RALYL: variants seen among roughly 807,000 people sequenced by gnomAD.
The protein encoded by RALYL is RALY RNA binding protein like, also known as RNA-binding Raly-like protein.
Under a neutral mutation model 35.1 loss-of-function variants are expected in RALYL, and 29 were observed. The observed-to-expected ratio is 0.83, with a 90% CI of 0.61 to 1.13. RALYL has a LOEUF of 1.13. RALYL is among the 50% of genes most tolerant of loss of function. RALYL has a pLI of 0.00. For synonymous variants in RALYL, 120 were observed against 127.6 expected, an observed-to-expected ratio of 0.94 and a Z score of 0.40; for missense variants, 359 against 360.4, an observed-to-expected ratio of 1.00 and a Z score of 0.03.
chr8:84,475,549 G>T (rs1008119873), intron 1 of RALYL, among the ~76,000 whole-genome samples: 1 of 152,110 alleles, frequency 6.6e-6, no homozygotes, highest in African/African-American at 2.4e-5. Context: ...TTAATCAAGG[G>T]CTAGAAAGAT....
chr8:84,785,904 T>G (rs2133786478), intron 3 of RALYL, among the ~76,000 whole-genome samples: 1 of 152,340 alleles, frequency 6.6e-6, no homozygotes, highest in South Asian at 2.1e-4. Context: ...GCCATGGTAG[T>G]TTGCTGCACC....
intron 1 of RALYL, among the ~76,000 whole-genome samples, chr8:84,280,419 T>C (rs916235339): frequency 6.6e-6 from 1 of 152,146 alleles, no homozygotes; most frequent in African/African-American, 2.4e-5. Flanking sequence ...TATATCCACC[T>C]ACTTTCCTAA....
At chr8:84,356,713 C>T (rs879662959) in intron 1 of RALYL, among the ~76,000 whole-genome samples, 8 of 150,366 alleles carry the variant, frequency 5.3e-5, no homozygotes, top group Admixed American at 5.3e-4. Flanking sequence ...CTCTATTAGA[C>T]ACCAACTCTT....
At chr8:84,690,664 A>G (rs923947033) in intron 2 of RALYL, among the ~76,000 whole-genome samples, 3 of 152,098 alleles carry the variant, frequency 2.0e-5, no homozygotes, top group Non-Finnish European at 4.4e-5. Context: ...AAATTTAAAA[A>G]CAAAAAAATT....
In RALYL at chr8:84,620,027, A is replaced by G. The variant is rs1398330234; in HGVS notation, c.256+90450A>G. Among the ~76,000 whole-genome samples the G allele has an allele frequency of 2.6e-5, 4 of 151,436 alleles. No homozygotes were observed. The East Asian group carries it at 7.8e-4, about 29-fold the overall frequency. ...CCTTTCTCTCTGGCTGCCCTTAACA[A>G]TTTTTCCTTCATTTCAACTTTGGTG... On this transcript the variant is annotated intron_variant, in intron 2 of 8. Coordinates refer to ENST00000521268, the MANE Select transcript of RALYL (RefSeq NM_173848.7).
chr8:84,269,694 A>G (rs1054035201), intron 1 of RALYL, among the ~76,000 whole-genome samples: 1 of 152,096 alleles, frequency 6.6e-6, no homozygotes, highest in African/African-American at 2.4e-5. Flanking sequence ...CTTAAGAAAG[A>G]TCATCAACTC....
intron 2 of RALYL, among the ~76,000 whole-genome samples, chr8:84,773,436 CT>C (rs1288080872): frequency 6.6e-6 from 1 of 152,144 alleles, no homozygotes; most frequent in Non-Finnish European, 1.5e-5. Context: ...TTAGATTTCC[CT>C]TTCTATCATC....
At chr8:84,435,326 A>G (rs1247383351) in intron 1 of RALYL, among the ~76,000 whole-genome samples, 1 of 152,166 alleles carries the variant, frequency 6.6e-6, no homozygotes, top group East Asian at 1.9e-4. Flanking sequence ...GTATAGACAT[A>G]ACATAACATT....
At chr8:84,506,176 C>A (rs1012149402) in intron 1 of RALYL, among the ~76,000 whole-genome samples, 1 of 151,994 alleles carries the variant, frequency 6.6e-6, no homozygotes, top group Admixed American at 6.6e-5. Context: ...GTTACAGCTA[C>A]CCAGGTTTTA....
intron 1 of RALYL, among the ~76,000 whole-genome samples, chr8:84,501,833 A>G (rs986359053): frequency 2.7e-5 from 4 of 150,088 alleles, no homozygotes; most frequent in Non-Finnish European, 5.9e-5. Context: ...ATATTAATAA[A>G]TAATATAGAT....
intron 2 of RALYL, among the ~76,000 whole-genome samples, chr8:84,690,226 T>G (rs1339599149): frequency 6.6e-6 from 1 of 152,138 alleles, no homozygotes; most frequent in East Asian, 1.9e-4. Flanking sequence ...TTGTCTTTTA[T>G]AACCACATGG....
At chr8:84,479,698 C>T (rs1216736844) in intron 1 of RALYL, among the ~76,000 whole-genome samples, 1 of 152,160 alleles carries the variant, frequency 6.6e-6, no homozygotes, top group South Asian at 2.1e-4. Flanking sequence ...TACTGGGCTA[C>T]TGCTTACATT....
chr8:84,286,852 G>C (rs1026775095), intron 1 of RALYL, among the ~76,000 whole-genome samples: 1 of 152,130 alleles, frequency 6.6e-6, no homozygotes, highest in South Asian at 2.1e-4. Flanking sequence ...GCCATTTAGA[G>C]CAAAGAATGG....
intron 1 of RALYL, among the ~76,000 whole-genome samples, chr8:84,270,122 G>A (rs768619476): frequency 3.9e-5 from 6 of 152,066 alleles, no homozygotes; most frequent in Non-Finnish European, 7.4e-5. Context: ...CACCAGCAAC[G>A]GATTAAGTCA....
At chr8:84,454,090 C>G (rs1947795) in intron 1 of RALYL, among the ~76,000 whole-genome samples, 4,991 of 152,020 alleles carry the variant, frequency 0.033, 118 homozygotes, top group Non-Finnish European at 0.053. Context: ...TCAAGTCAGT[C>G]TGGACACTTC....
At chr8:84,637,733 C>T (rs1825376506) in intron 2 of RALYL, among the ~76,000 whole-genome samples, 2 of 151,846 alleles carry the variant, frequency 1.3e-5, no homozygotes, top group African/African-American at 2.4e-5. Context: ...ATTATCTCAA[C>T]AATAGCTGGG....
chr8:84,353,701 AC>A (rs1851327778), intron 1 of RALYL, among the ~76,000 whole-genome samples: 1 of 150,434 alleles, frequency 6.6e-6, no homozygotes, highest in Non-Finnish European at 1.5e-5. Context: ...TATGAAAAAA[AC>A]ATTTTAACCA....
intron 8 of RALYL, among the ~76,000 whole-genome samples, chr8:84,888,734 T>C (rs1452560182): frequency 1.3e-5 from 2 of 152,102 alleles, no homozygotes; most frequent in African/African-American, 2.4e-5. Context: ...GCACCTTTAT[T>C]ATTTTTTGTT....
chr8:84,751,086 C>G (rs78517757), intron 2 of RALYL, among the ~76,000 whole-genome samples: 336 of 152,224 alleles, frequency 2.2e-3, no homozygotes, highest in African/African-American at 7.8e-3. Flanking sequence ...TCACCTATTT[C>G]CTGTGACCAT....
Sources: allele counts gnomAD v4.1 joint callset (sites outside exome capture counted in the v4.1 genomes callset), GRCh38; gene constraint gnomAD v4.1.1; transcripts MANE v1.5; gene names NCBI Gene and HGNC (gene_info 2026-07-23, HGNC 2026-07-21).